The following CACNB2 variants were observed in gnomAD, a reference collection of about 807,000 sequenced individuals.
CACNB2 encodes calcium voltage-gated channel auxiliary subunit beta 2, also known as voltage-dependent L-type calcium channel subunit beta-2.
A neutral mutation model predicts 73.3 loss-of-function variants in CACNB2; 42 were observed. That is an observed-to-expected ratio of 0.57 (90% CI 0.45 to 0.74). The LOEUF (loss-of-function observed/expected upper bound fraction) is 0.74, where lower values mean the gene tolerates loss of function less well. CACNB2 is among the 30% of genes least tolerant of loss of function. The probability of loss-of-function intolerance (pLI) is 0.00; values close to 1 mark genes in which losing one functional copy is unlikely to be tolerated. For synonymous variants in CACNB2, 348 were observed against 310.3 expected (o/e 1.12, Z -1.28); for missense variants, 940 against 853.0 (o/e 1.10, Z -1.27).
chr10:18,388,693 A>G lies in CACNB2; in HGVS notation c.214-13231A>G, dbSNP rs568951138. ...CTAACCTAGTACCAACAAATTATTTAAGCAATCATAGGAGAAAAATCCAGT... is the reference window on the plus strand; with the variant it reads ...CTAACCTAGTACCAACAAATTATTTGAGCAATCATAGGAGAAAAATCCAGT... On this transcript the variant is annotated intron_variant, in intron 2 of 13. Coordinates refer to ENST00000324631, the MANE Select transcript of CACNB2 (RefSeq NM_201596.3). 3.3e-5 allele frequency among the ~76,000 whole-genome samples: 5 copies of G among 152,348 alleles called. No individual in the cohort carries two copies. In the South Asian group the frequency reaches 1.0e-3, roughly 32 times the overall value.
chr10:18,495,582 T>TGTG lies in CACNB2; in HGVS notation c.334-2772_334-2770dup, dbSNP rs1554830739. Among the ~76,000 whole-genome samples the TGTG allele has an allele frequency of 9.4e-4, 127 of 135,486 alleles. 3 individuals are homozygous for TGTG. The highest frequency in any genetic ancestry group is 3.4e-3 in the African/African-American group (124 of 36,044). The allele number at this position is 135,486 out of a possible 152,430, so 88.9% of individuals were successfully genotyped here. A position where few individuals can be genotyped will look rare whatever the true frequency, so the allele number is the denominator to read the frequency against. ...GTGTGTGTGTGTGTGTGTGTGTGTG[T>TGTG]GTGTGTGTGTATAAGAGATGAGGTC... On this transcript the variant is annotated intron_variant, in intron 3 of 13. Transcript: ENST00000324631.
At chr10:18,325,554 T>C (rs2040551500) in intron 2 of CACNB2, among the ~76,000 whole-genome samples, 1 of 151,936 alleles carries the variant, frequency 6.6e-6, no homozygotes, top group African/African-American at 2.4e-5. Flanking sequence ...CTTTTCCTTT[T>C]CTTTTCTTTC....
intron 2 of CACNB2, among the ~76,000 whole-genome samples, chr10:18,377,415 A>C (rs1408820817): frequency 6.6e-6 from 1 of 152,226 alleles, no homozygotes; most frequent in African/African-American, 2.4e-5. Flanking sequence ...AGGGCCATGT[A>C]GTAAATATAT....
intron 6 of CACNB2, among the ~76,000 whole-genome samples, chr10:18,512,795 G>T (rs528301860): frequency 6.6e-6 from 1 of 152,184 alleles, no homozygotes; most frequent in Non-Finnish European, 1.5e-5. Flanking sequence ...TCTGCAAAAA[G>T]TTGTCAAGAT....
At chr10:18,522,867 G>A (rs1423333696) in intron 9 of CACNB2, among the ~76,000 whole-genome samples, 1 of 98,426 alleles carries the variant, frequency 1.0e-5, no homozygotes, top group Non-Finnish European at 1.8e-5. Flanking sequence ...AACAGAGTGA[G>A]ACTCTGTCTC....
chr10:18,260,897 T>C, intron 2 of CACNB2: 1 of 1,117,356 alleles, frequency 8.9e-7, no homozygotes, highest in Non-Finnish European at 1.1e-6. Context: ...GAGTTGAGAA[T>C]GGCTACTGTA....
At chr10:18,326,778 G>T (rs560708266) in intron 2 of CACNB2, among the ~76,000 whole-genome samples, 1 of 152,312 alleles carries the variant, frequency 6.6e-6, no homozygotes, top group Admixed American at 6.5e-5. Context: ...CCAAGTTGGA[G>T]TACAGTGGTG....
At chr10:18,508,664 T>C (rs1035054305) in intron 6 of CACNB2, among the ~76,000 whole-genome samples, 1 of 152,192 alleles carries the variant, frequency 6.6e-6, no homozygotes, top group African/African-American at 2.4e-5. Context: ...CCCCAACTTA[T>C]GATAGAGTTA....
At chr10:18,177,298 A>G (rs1196250272) in intron 2 of CACNB2, among the ~76,000 whole-genome samples, 5 of 151,980 alleles carry the variant, frequency 3.3e-5, no homozygotes, top group Admixed American at 2.6e-4. Flanking sequence ...TGCTTTATCC[A>G]CAGAGGGTTT....
At chr10:18,304,023 A>C (rs2039631563) in intron 2 of CACNB2, among the ~76,000 whole-genome samples, 2 of 152,176 alleles carry the variant, frequency 1.3e-5, no homozygotes, top group African/African-American at 4.8e-5. Flanking sequence ...TAGCACAGTC[A>C]CAGCTCGCTG....
intron 10 of CACNB2, among the ~76,000 whole-genome samples, chr10:18,529,126 G>A (rs1421997660): frequency 6.6e-6 from 1 of 152,150 alleles, no homozygotes; most frequent in East Asian, 1.9e-4. Context: ...ACTGTGCCTG[G>A]CCAAGAATTA....
chr10:18,493,555 T>C (rs1388594488), intron 3 of CACNB2, among the ~76,000 whole-genome samples: 2 of 152,138 alleles, frequency 1.3e-5, no homozygotes, highest in Admixed American at 6.6e-5. Flanking sequence ...GGGATGACTA[T>C]ACACCCAATA....
chr10:18,237,125 G>A (rs2036475934), intron 2 of CACNB2, among the ~76,000 whole-genome samples: 1 of 152,166 alleles, frequency 6.6e-6, no homozygotes, highest in Non-Finnish European at 1.5e-5. Context: ...TAGGGTAAAT[G>A]CATAGAGGTA....
chr10:18,141,232 G>C, intron 1 of CACNB2: 2 of 1,410,372 alleles, frequency 1.4e-6, no homozygotes, highest in East Asian at 2.5e-5. Flanking sequence ...CCGGGTGGGC[G>C]GGAGGGGGCC....
At chr10:18,460,428 G>A (rs2047508425) in intron 3 of CACNB2, among the ~76,000 whole-genome samples, 2 of 152,134 alleles carry the variant, frequency 1.3e-5, no homozygotes, top group Admixed American at 1.3e-4. Context: ...AGTTAAGTAG[G>A]ACTGACTTTT....
intron 3 of CACNB2, among the ~76,000 whole-genome samples, chr10:18,403,179 C>T (rs1178248542): frequency 1.3e-5 from 2 of 152,148 alleles, no homozygotes; most frequent in Non-Finnish European, 2.9e-5. Flanking sequence ...AAAGGCAGTT[C>T]ATAAATAGCA....
chr10:18,531,356 C>T (rs956058457), intron 10 of CACNB2, among the ~76,000 whole-genome samples: 7 of 152,108 alleles, frequency 4.6e-5, no homozygotes, highest in African/African-American at 1.7e-4. Context: ...CTGATAGGCC[C>T]CAGTGTGTGT....
intron 2 of CACNB2, among the ~76,000 whole-genome samples, chr10:18,234,978 C>T (rs1020069466): frequency 2.6e-5 from 4 of 151,480 alleles, no homozygotes; most frequent in Non-Finnish European, 4.4e-5. Flanking sequence ...CCCGTCTCTA[C>T]TAAAAATATA....
chr10:18,330,109 G>A (rs945988733), intron 2 of CACNB2, among the ~76,000 whole-genome samples: 13 of 152,160 alleles, frequency 8.5e-5, no homozygotes, highest in African/African-American at 3.1e-4. Flanking sequence ...CCAAAGTGCT[G>A]AGATTACAGT....
Sources: gnomAD v4.1 joint callset for allele counts (sites outside exome capture counted in the v4.1 genomes callset) on GRCh38, gnomAD v4.1.1 for gene constraint, MANE v1.5 for transcripts, NCBI Gene and HGNC (gene_info 2026-07-23, HGNC 2026-07-21) for gene names.